Variants in PDE3B observed in about 807,000 individuals in gnomAD.
PDE3B encodes cGMP-inhibited 3',5'-cyclic phosphodiesterase 3B.
PDE3B carries 66 observed loss-of-function variants against 116.8 expected under a neutral mutation model. The ratio of observed to expected loss-of-function variants is 0.56; its 90% CI spans 0.46 to 0.69. The LOEUF is 0.69. Among genes scored for constraint, PDE3B ranks in the 30% least tolerant of loss-of-function variants. PDE3B has a pLI of 0.00. For missense variants in PDE3B, 1,384 were observed against 1,368.1 expected (o/e 1.01, Z -0.18); for synonymous variants, 595 against 533.6 (o/e 1.12, Z -1.59).
chr11:14,683,104 A>T (rs1854761864), intron 1 of PDE3B, among the ~76,000 whole-genome samples: 1 of 151,588 alleles, frequency 6.6e-6, no homozygotes, highest in South Asian at 2.1e-4. Context: ...CGCCTGGCTA[A>T]TTTTTTTCTG....
intron 1 of PDE3B, among the ~76,000 whole-genome samples, chr11:14,715,334 T>C (rs1855844341): frequency 6.6e-6 from 1 of 152,214 alleles, no homozygotes; most frequent in Non-Finnish European, 1.5e-5. Flanking sequence ...GCATTGGATC[T>C]ATAAATTACC....
At chr11:14,817,092 G>T (rs567732204) in intron 5 of PDE3B, among the ~76,000 whole-genome samples, 2 of 152,268 alleles carry the variant, frequency 1.3e-5, no homozygotes, top group African/African-American at 4.8e-5. Context: ...ACACACCATG[G>T]AATACTGTGC....
chr11:14,669,105 C>T (rs1854283510), intron 1 of PDE3B, among the ~76,000 whole-genome samples: 1 of 152,078 alleles, frequency 6.6e-6, no homozygotes, highest in Non-Finnish European at 1.5e-5. Flanking sequence ...CAGCAGATAG[C>T]CGTTATCACC....
rs527729337 is a variant in PDE3B, at chr11:14,809,831, C to T, written c.1522+5781C>T. ...TGCTGGCACCTTGGTCTTGGACTTC[C>T]CAGCCTCCAAAAACTGTGAGCAGCC... On this transcript the variant is annotated intron_variant, in intron 5 of 15. Transcript: ENST00000282096. 1.3e-5 allele frequency among the ~76,000 whole-genome samples: 2 copies of T among 152,228 alleles called. 1 individual carries two copies. The highest frequency in any genetic ancestry group is 4.1e-4 in the South Asian group (2 of 4,822).
chr11:14,834,533 A>T (rs951074434), intron 10 of PDE3B, among the ~76,000 whole-genome samples: 1 of 152,182 alleles, frequency 6.6e-6, no homozygotes, highest in African/African-American at 2.4e-5. Flanking sequence ...ATGCTTTCAC[A>T]TATTTAGTAT....
chr11:14,765,213 G>A (rs988941449), intron 1 of PDE3B, among the ~76,000 whole-genome samples: 4 of 151,866 alleles, frequency 2.6e-5, no homozygotes, highest in African/African-American at 7.3e-5. Flanking sequence ...ATTCAGAGCC[G>A]TACTATAATA....
rs1343566261 is a variant in PDE3B at position 14,659,673 on chromosome 11, C to T, written c.978+14620C>T. On this transcript the variant is annotated intron_variant, in intron 1 of 15. Transcript: ENST00000282096. ...TCCCTCCTCCCACTCCGGTAGGCCC[C>T]AGTGTGTGCTGTTCCTCCCTACGTG... 2.0e-5 allele frequency among the ~76,000 whole-genome samples: 3 copies of T among 152,166 alleles called. No homozygotes were observed. The East Asian group carries it at 5.8e-4, about 29-fold the overall frequency.
intron 14 of PDE3B, among the ~76,000 whole-genome samples, chr11:14,865,057 T>G (rs1045088016): frequency 6.6e-6 from 1 of 152,110 alleles, no homozygotes; most frequent in African/African-American, 2.4e-5. Flanking sequence ...CAGGAGCTGG[T>G]TTTTTGAAAA....
intron 4 of PDE3B, among the ~76,000 whole-genome samples, chr11:14,797,763 T>G (rs1487193466): frequency 1.3e-5 from 2 of 152,172 alleles, no homozygotes; most frequent in Admixed American, 6.5e-5. Context: ...TGCTTGTGAT[T>G]TTTGCATATT....
At chr11:14,680,686 GTC>G (rs372674287) in intron 1 of PDE3B, among the ~76,000 whole-genome samples, 7 of 151,772 alleles carry the variant, frequency 4.6e-5, no homozygotes, top group African/African-American at 1.7e-4. Context: ...TCATAAATAA[GTC>G]TAAGTACTTT....
chr11:14,850,461 A>G (rs1847720450), intron 12 of PDE3B, among the ~76,000 whole-genome samples: 1 of 152,118 alleles, frequency 6.6e-6, no homozygotes, highest in South Asian at 2.1e-4. Flanking sequence ...CACATTGTGC[A>G]CATGTACCCT....
chr11:14,648,320 C>T (rs1172517387), intron 1 of PDE3B, among the ~76,000 whole-genome samples: 3 of 151,828 alleles, frequency 2.0e-5, no homozygotes, highest in African/African-American at 7.3e-5. Context: ...GCCCTAATGC[C>T]CATAAATATT....
chr11:14,779,565 A>G (rs1039233247), intron 2 of PDE3B, among the ~76,000 whole-genome samples: 8 of 152,184 alleles, frequency 5.3e-5, no homozygotes, highest in African/African-American at 7.2e-5. Context: ...ATCCATCCCA[A>G]CTAAGCTTCA....
Position 14,758,028 on chromosome 11 carries a change from C to A in PDE3B, c.979-13909C>A, listed in dbSNP as rs965165334. Among the ~76,000 whole-genome samples, 62 of 151,980 alleles carry A rather than the reference C, an allele frequency of 4.1e-4. 1 individual carries two copies. Among genetic ancestry groups the A allele is most frequent in the African/African-American group, 1.4e-3 (60 of 41,492 alleles). On this transcript the variant is annotated intron_variant, in intron 1 of 15. Coordinates refer to ENST00000282096, the MANE Select transcript of PDE3B (RefSeq NM_000922.4). ...GTTTCAGCTTTCTACATATGGCTAG[C>A]CAATTTTCCCAGCACCATTTATTAA...
At chr11:14,848,050 G>C (rs1329926069) in intron 12 of PDE3B, among the ~76,000 whole-genome samples, 5 of 150,944 alleles carry the variant, frequency 3.3e-5, no homozygotes, top group African/African-American at 1.2e-4. Context: ...GAGAATTTTA[G>C]ACCAATATCC....
At chr11:14,790,855 G>C (rs1858360631) in intron 4 of PDE3B, among the ~76,000 whole-genome samples, 1 of 152,060 alleles carries the variant, frequency 6.6e-6, no homozygotes, top group African/African-American at 2.4e-5. Context: ...GGTGGGTTAC[G>C]ATGGGAATAT....
At position 14,644,502 on chromosome 11, in the gene PDE3B, C is replaced by T. The variant is rs779927212; in HGVS notation, c.427C>T (p.Pro143Ser). 4 of 1,611,292 alleles carry T rather than the reference C, an allele frequency of 2.5e-6. No homozygotes were observed. The African/African-American group carries it at 5.3e-5, about 22-fold the overall frequency. ...TCFLTRTKRG[P>S]GPGRSCGSWW... Reference sequence around the variant, plus strand: ...CTTCCTCACCCGGACCAAGCGGGGACCCGGCCCGGGCCGGAGCTGCGGCTC... The same window carrying T: ...CTTCCTCACCCGGACCAAGCGGGGATCCGGCCCGGGCCGGAGCTGCGGCTC... The change falls in exon 1 of 16, where the codon CCC becomes TCC. Residue 143 changes from proline (P) to serine (S), a missense_variant. Coordinates refer to ENST00000282096, the MANE Select transcript of PDE3B (RefSeq NM_000922.4).
intron 1 of PDE3B, among the ~76,000 whole-genome samples, chr11:14,745,021 C>T (rs1364642668): frequency 1.3e-5 from 2 of 152,024 alleles, no homozygotes; most frequent in African/African-American, 4.8e-5. Flanking sequence ...GACAGGGTCT[C>T]TCTATGTTGC....
At chr11:14,650,987 G>A (rs1428438281) in intron 1 of PDE3B, among the ~76,000 whole-genome samples, 2 of 151,828 alleles carry the variant, frequency 1.3e-5, no homozygotes, top group African/African-American at 2.4e-5. Context: ...GCGATAATTT[G>A]TTACAGGAGC....
Sources: allele counts gnomAD v4.1 joint callset (sites outside exome capture counted in the v4.1 genomes callset), GRCh38; gene constraint gnomAD v4.1.1; transcripts MANE v1.5; gene names NCBI Gene and HGNC (gene_info 2026-07-23, HGNC 2026-07-21).